KPNA1: variants seen among roughly 807,000 people sequenced by gnomAD.
KPNA1 encodes the protein karyopherin subunit alpha 1.
KPNA1 carries 10 observed loss-of-function variants against 70.5 expected under a neutral mutation model. The observed-to-expected ratio is 0.14, with a 90% CI of 0.09 to 0.24. The LOEUF is 0.24. KPNA1 is among the 10% of genes least tolerant of loss of function. The pLI, the probability that KPNA1 is intolerant of heterozygous loss-of-function variation, is 1.00. For synonymous variants in KPNA1, 192 were observed against 221.9 expected, an observed-to-expected ratio of 0.87 and a Z score of 1.20; for missense variants, 397 against 637.9, an observed-to-expected ratio of 0.62 and a Z score of 4.07.
chr3:122,442,194 A>C, intron 9 of KPNA1, 78 bp from the exon 10 acceptor site: 2 of 1,142,062 alleles, frequency 1.8e-6, no homozygotes, highest in East Asian at 2.4e-5. Context: ...AAATTAAAAA[A>C]CAAAAAAATT....
At chr3:122,459,790 G>A (rs1045372174) in intron 5 of KPNA1, 38 of 985,212 alleles carry the variant, frequency 3.9e-5, no homozygotes, top group Admixed American at 6.2e-5. Context: ...TGGATTTCTT[G>A]TTTTTCCTCT....
chr3:122,463,582 T>C (rs1018933740), intron 4 of KPNA1, among the ~76,000 whole-genome samples: 3 of 151,696 alleles, frequency 2.0e-5, no homozygotes, highest in Admixed American at 6.6e-5. Context: ...CAGTGGTAAA[T>C]TGCTAACATT....
intron 1 of KPNA1, among the ~76,000 whole-genome samples, chr3:122,510,013 G>A (rs1335009512): frequency 6.6e-6 from 1 of 152,124 alleles, no homozygotes. Flanking sequence ...CAAAGAATCA[G>A]ATTGGCTTTG....
intron 2 of KPNA1, among the ~76,000 whole-genome samples, chr3:122,474,541 G>C (rs1023670793): frequency 1.3e-5 from 2 of 152,110 alleles, no homozygotes; most frequent in African/African-American, 4.8e-5. Flanking sequence ...CTAGTACAAT[G>C]ATCTTCAACA....
At chr3:122,491,416 A>C (rs950713146) in intron 2 of KPNA1, among the ~76,000 whole-genome samples, 2 of 152,240 alleles carry the variant, frequency 1.3e-5, no homozygotes, top group Non-Finnish European at 2.9e-5. Context: ...TAAAATGTAC[A>C]ACCACTTTCA....
At chr3:122,435,856 T>C (rs552585807) in intron 11 of KPNA1, among the ~76,000 whole-genome samples, 31 of 152,164 alleles carry the variant, frequency 2.0e-4, no homozygotes, top group African/African-American at 7.0e-4. Flanking sequence ...CCTGTGATGA[T>C]TGCATCATAA....
intron 2 of KPNA1, among the ~76,000 whole-genome samples, chr3:122,495,023 A>C (rs530268926): frequency 1.3e-5 from 2 of 152,210 alleles, no homozygotes; most frequent in Admixed American, 1.3e-4. Flanking sequence ...AGGCTGAGGC[A>C]GGCAGATCAC....
chr3:122,459,736 TGGA>T, intron 5 of KPNA1: 1 of 985,432 alleles, frequency 1.0e-6, no homozygotes, highest in Non-Finnish European at 1.2e-6. Flanking sequence ...AGTGTCAAAC[TGGA>T]GAAGAAAAAC....
intron 12 of KPNA1, 97 bp from the exon 13 acceptor site, chr3:122,427,813 TA>T (rs57966074): frequency 8.8e-3 from 4,941 of 563,348 alleles, no homozygotes; most frequent in South Asian, 0.015. Flanking sequence ...TGCAGAGACT[TA>T]AAAAAAAAAA....
At chr3:122,442,168 T>C (rs2076072369) in intron 9 of KPNA1, 52 bp from the exon 10 acceptor site, 1 of 1,423,176 alleles carries the variant, frequency 7.0e-7, no homozygotes, top group African/African-American at 1.4e-5. Context: ...CTTAGTTTCA[T>C]TTCCTTCCAA....
In KPNA1 at chr3:122,457,740, C is replaced by A. The variant is rs534785842; in HGVS notation, c.432+3484G>T. 2.1e-4 allele frequency: 265 copies of A among 1,288,736 alleles called. No individual in the cohort carries two copies. In the African/African-American group the frequency reaches 3.8e-3, roughly 19 times the overall value. The allele number at this position is 1,288,736 out of a possible 1,614,324, so 79.8% of individuals were successfully genotyped here. A position where few individuals can be genotyped will look rare whatever the true frequency, so the allele number is the denominator to read the frequency against. On this transcript the variant is annotated intron_variant, in intron 5 of 13. Transcript: ENST00000344337. Reference sequence around the variant, plus strand: ...GTACTTCTGACCTCCTATCAAGTTTCCCACTCCAGGTTGAGGTACGCCTGG... The same window carrying A: ...GTACTTCTGACCTCCTATCAAGTTTACCACTCCAGGTTGAGGTACGCCTGG...
Position 122,427,650 on chromosome 3 carries a change from A to G in KPNA1, c.1317T>C (p.Ile439=), listed in dbSNP as rs2075839356. The G allele has an allele frequency of 2.5e-6, 4 of 1,614,168 alleles. No homozygotes were observed. The highest frequency in any genetic ancestry group is 3.4e-6 in the Non-Finnish European group (4 of 1,179,994). ...CCAAGCCATTTAGGGCAACCTGTAC[A>G]ATCTTAGAGTCCATGACCGTGAGGA... ...CDLLTVMDSK[I]VQVALNGLEN... The change falls in exon 13 of 14, where the codon ATT becomes ATC. Residue 439 remains isoleucine, a synonymous_variant. Coordinates refer to ENST00000344337, the MANE Select transcript of KPNA1 (RefSeq NM_002264.4).
chr3:122,424,490 GAAAA>G lies in KPNA1; in HGVS notation c.*2491_*2494del, dbSNP rs538135958. On this transcript the variant is annotated 3_prime_UTR_variant, in exon 14 of 14. Coordinates refer to ENST00000344337, the MANE Select transcript of KPNA1 (RefSeq NM_002264.4). ...AAAAAATCATTTTATTGTTAAAAAA[GAAAA>G]AAAAACTTAGATCTTATAGTTCATG... The G allele has an allele frequency of 2.0e-5, 3 of 150,852 alleles. No homozygotes were observed. Among genetic ancestry groups the G allele is most frequent in the South Asian group, 4.2e-4 (2 of 4,778 alleles). 9.3% of individuals were successfully genotyped at this position (150,852 alleles called of 1,614,324 possible). A position where few individuals can be genotyped will look rare whatever the true frequency, so the allele number is the denominator to read the frequency against.
At chr3:122,503,470 G>C (rs1258023243) in intron 1 of KPNA1, among the ~76,000 whole-genome samples, 4 of 152,156 alleles carry the variant, frequency 2.6e-5, no homozygotes. Flanking sequence ...AAGTGTCATA[G>C]GCAGCAAGTT....
chr3:122,463,283 G>A (rs1216389298), intron 4 of KPNA1, among the ~76,000 whole-genome samples: 4 of 151,772 alleles, frequency 2.6e-5, no homozygotes, highest in African/African-American at 4.8e-5. Flanking sequence ...GGGAGGCGGC[G>A]CTTGCAGTGA....
intron 5 of KPNA1, among the ~76,000 whole-genome samples, chr3:122,455,657 G>A (rs2076257311): frequency 6.6e-6 from 1 of 152,102 alleles, no homozygotes; most frequent in South Asian, 2.1e-4. Flanking sequence ...CCGGATTCAA[G>A]TGATTCTCCT....
chr3:122,464,068 TA>T, intron 3 of KPNA1, 27 bp from the exon 4 acceptor site: 1 of 1,259,574 alleles, frequency 7.9e-7, no homozygotes, highest in East Asian at 2.4e-5. Context: ...AAAGAACATA[TA>T]ATAAATTATC....
At chr3:122,441,319 T>C (rs2076059271) in intron 10 of KPNA1, among the ~76,000 whole-genome samples, 1 of 152,158 alleles carries the variant, frequency 6.6e-6, no homozygotes, top group Non-Finnish European at 1.5e-5. Flanking sequence ...ATAGAGTAGA[T>C]GGTGACATTA....
chr3:122,464,120 C>T, intron 3 of KPNA1, 79 bp from the exon 4 acceptor site: 1 of 678,960 alleles, frequency 1.5e-6, no homozygotes, highest in Non-Finnish European at 2.4e-6. Context: ...GATATCATGG[C>T]CAAGTTATTA....
Sources: allele counts gnomAD v4.1 joint callset (sites outside exome capture counted in the v4.1 genomes callset), GRCh38; gene constraint gnomAD v4.1.1; transcripts MANE v1.5; gene names NCBI Gene and HGNC (gene_info 2026-07-23, HGNC 2026-07-21).